The following SLC25A35 variants were observed in gnomAD, a reference collection of about 807,000 sequenced individuals.
The protein encoded by SLC25A35 is solute carrier family 25, member 35.
Under a neutral mutation model 30.5 loss-of-function variants are expected in SLC25A35, and 32 were observed. The ratio of observed to expected loss-of-function variants is 1.05; its 90% confidence interval spans 0.79 to 1.41. The LOEUF is 1.41. Among genes scored for constraint, SLC25A35 ranks in the 40% most tolerant of loss-of-function variants. SLC25A35 has a pLI of 0.00. For synonymous variants in SLC25A35, 142 were observed against 158.1 expected (o/e 0.90, Z 0.77); for missense variants, 369 against 388.0 (o/e 0.95, Z 0.41).
In SLC25A35 at chr17:8,294,542, G is replaced by T. The variant is rs1990735561; in HGVS notation, c.266C>A (p.Ala89Asp). ...IRLGTYGLAE[A>D]GGYLHTAEGT... is the part of the protein sequence containing the mutation. ...TTCGGCTGTGTGCAGGTAGCCCCCAGCCTCAGCCAGCCCATAGGTGCCCAG... is the reference window on the plus strand; with the variant it reads ...TTCGGCTGTGTGCAGGTAGCCCCCATCCTCAGCCAGCCCATAGGTGCCCAG... Residue 89 changes from alanine (A) to aspartate (D), a missense_variant, in exon 1 of 5, where the codon GCT (alanine) becomes GAT (aspartate). Physicochemically the swap from Ala to Asp is moderately radical, Grantham distance 126. Transcript: ENST00000577745. 3 of 1,614,024 alleles carry T rather than the reference G, an allele frequency of 1.9e-6. No homozygotes were observed. Among genetic ancestry groups the T allele is most frequent in the Non-Finnish European group, 1.7e-6 (2 of 1,180,024 alleles).
Position 8,290,996 on chromosome 17 carries a change from G to C in SLC25A35, c.595-20C>G, listed in dbSNP as rs1433834433. On this transcript the variant is annotated intron_variant, in intron 3 of 4. Coordinates refer to ENST00000577745, the MANE Select transcript of SLC25A35 (RefSeq NM_001320870.2). ...AAAGATCTAAGGGGGTAGAGAGGAA[G>C]AGCGTTGTCAACCAGCCAACTATTA... 18 of 1,613,568 alleles carry C rather than the reference G, an allele frequency of 1.1e-5. No individual in the cohort carries two copies. Among genetic ancestry groups the C allele is most frequent in the African/African-American group, 1.3e-5 (1 of 74,922 alleles).
intron 1 of SLC25A35, among the ~76,000 whole-genome samples, chr17:8,294,067 C>T (rs1990695624): frequency 6.6e-6 from 1 of 150,582 alleles, no homozygotes; most frequent in African/African-American, 2.4e-5. Context: ...AGGCGCCCAC[C>T]ACCGCACCCG....
chr17:8,288,668 C>T (rs1990228187), downstream of SLC25A35: 1 of 1,145,708 alleles, frequency 8.7e-7, no homozygotes. Context: ...CTTAAAGGAT[C>T]CGGGAGCTAA....
chr17:8,293,773 C>A (rs1472703096), intron 1 of SLC25A35, among the ~76,000 whole-genome samples: 1 of 150,236 alleles, frequency 6.7e-6, no homozygotes, highest in African/African-American at 2.4e-5. Context: ...GGATGGTCTC[C>A]ATCTCCTGAC....
At chr17:8,293,474 A>G (rs1990640224) in intron 1 of SLC25A35, among the ~76,000 whole-genome samples, 1 of 151,958 alleles carries the variant, frequency 6.6e-6, no homozygotes, top group Admixed American at 6.6e-5. Context: ...CAATAATCAC[A>G]CAGAAAGGGC....
downstream of SLC25A35, chr17:8,288,067 C>T (rs1485254271): frequency 2.0e-5 from 3 of 153,474 alleles, no homozygotes; most frequent in Non-Finnish European, 2.9e-5. Context: ...CCTACCTAGA[C>T]GTGGGCCCCT....
chr17:8,290,401 C>T lies in SLC25A35; in HGVS notation c.*104G>A. On this transcript the variant is annotated 3_prime_UTR_variant, in exon 5 of 5. Transcript: ENST00000577745. ...ATGGGGAGTGGGGTTGGCTGTCCCC[C>T]ATGGATGGATGAAAGGTCACCTAAT... The T allele has an allele frequency of 6.8e-7, 1 of 1,477,524 alleles. No homozygotes were observed. The allele number at this position is 1,477,524 out of a possible 1,614,324, so 91.5% of individuals were successfully genotyped here. A position where few individuals can be genotyped will look rare whatever the true frequency, so the allele number is the denominator to read the frequency against.
downstream of SLC25A35, chr17:8,289,265 T>A: frequency 1.2e-5 from 20 of 1,613,608 alleles, no homozygotes; most frequent in Non-Finnish European, 1.7e-5. Context: ...CAGGTACCAC[T>A]TTGAGGATGT....
At chr17:8,293,241 T>G (rs1302061539) in intron 1 of SLC25A35, among the ~76,000 whole-genome samples, 1 of 152,152 alleles carries the variant, frequency 6.6e-6, no homozygotes, top group African/African-American at 2.4e-5. Flanking sequence ...CTATACCAGA[T>G]AACTCAAAGG....
chr17:8,291,171 G>T (rs1447598707), intron 3 of SLC25A35, among the ~76,000 whole-genome samples, 162 bp downstream of exon 3: 1 of 152,196 alleles, frequency 6.6e-6, no homozygotes, highest in Non-Finnish European at 1.5e-5. Flanking sequence ...CTGGGAGGAA[G>T]TGACAAGAGA....
downstream of SLC25A35, chr17:8,290,003 G>A (rs1990360241): frequency 9.3e-6 from 15 of 1,608,902 alleles, no homozygotes; most frequent in Non-Finnish European, 1.3e-5. Flanking sequence ...GGGAAAAGAG[G>A]TTGAAAAGAG....
chr17:8,291,512 G>T (rs1380693681), intron 2 of SLC25A35, 27 bp from the exon 3 acceptor site: 1 of 1,588,698 alleles, frequency 6.3e-7, no homozygotes, highest in Non-Finnish European at 8.6e-7. Context: ...CGGGGGTGGG[G>T]TTCAGACAGC....
At position 8,290,122 on chromosome 17, in the gene SLC25A35, C is replaced by T; in HGVS notation, c.*383G>A. On this transcript the variant is annotated 3_prime_UTR_variant, in exon 5 of 5. Transcript: ENST00000577745. ...TGTGCCTTTGAATCTAACAGGACACCTGGGTCCCAGACGCCTGGGAATTGG... is the reference window on the plus strand; with the variant it reads ...TGTGCCTTTGAATCTAACAGGACACTTGGGTCCCAGACGCCTGGGAATTGG... 6.8e-7 allele frequency: 1 copy of T among 1,473,574 alleles called. No homozygotes were observed. The highest frequency in any genetic ancestry group is 9.0e-7 in the Non-Finnish European group (1 of 1,115,488). 91.3% of individuals were successfully genotyped at this position (1,473,574 alleles called of 1,614,324 possible). A position where few individuals can be genotyped will look rare whatever the true frequency, so the allele number is the denominator to read the frequency against.
chr17:8,290,582 G>T lies in SLC25A35; in HGVS notation c.826C>A (p.Arg276Ser), dbSNP rs1451702970. Residue 276 changes from arginine to serine, a missense_variant, in exon 5 of 5, where the codon CGC becomes AGC. Transcript: ENST00000577745. ...GAGAGGATGGTGTGGGGGCCGAGGC[G>T]GAAGTAGGAGGCACCTATACCCTTG... Reference protein sequence around the residue: ...MYKGIGASYFRLGPHTILSLF... With the variant: ...MYKGIGASYFSLGPHTILSLF... 2 of 1,536,058 alleles carry T rather than the reference G, an allele frequency of 1.3e-6. No homozygotes were observed.
downstream of SLC25A35, chr17:8,289,867 C>A (rs1172083252): frequency 1.3e-5 from 21 of 1,614,148 alleles, no homozygotes; most frequent in African/African-American, 6.7e-5. Context: ...CACCCTGGAG[C>A]CTGGGTGACT....
downstream of SLC25A35, chr17:8,289,176 C>G (rs939582974): frequency 6.9e-6 from 11 of 1,601,872 alleles, no homozygotes; most frequent in South Asian, 1.1e-5. Context: ...ACGCACGGGC[C>G]GGGAGCCAGG....
intron 1 of SLC25A35, among the ~76,000 whole-genome samples, chr17:8,293,932 G>GT (rs1990682772): frequency 2.1e-5 from 2 of 93,632 alleles, no homozygotes; most frequent in African/African-American, 9.7e-5. Flanking sequence ...TTTTTTTTTT[G>GT]TGAGACGTAG....
At chr17:8,289,192 A>T (rs895125242), downstream of SLC25A35, 1 of 1,604,262 alleles carries the variant, frequency 6.2e-7, no homozygotes, top group Non-Finnish European at 8.5e-7. Context: ...CCAGGCCTGC[A>T]ACTTAAAGAT....
downstream of SLC25A35, chr17:8,288,735 C>T (rs1990233447): frequency 5.7e-6 from 9 of 1,591,166 alleles, no homozygotes; most frequent in Non-Finnish European, 6.9e-6. Flanking sequence ...GCCACGTGAC[C>T]CAATGTGGAC....
Sources: allele counts gnomAD v4.1 joint callset (sites outside exome capture counted in the v4.1 genomes callset), GRCh38; gene constraint gnomAD v4.1.1; transcripts MANE v1.5; gene names NCBI Gene and HGNC (gene_info 2026-07-23, HGNC 2026-07-21).